CASQ2: variants seen among roughly 807,000 people sequenced by gnomAD.
CASQ2 encodes the protein calsequestrin-2.
Under a neutral mutation model 46.5 loss-of-function variants are expected in CASQ2, and 49 were observed. That is an observed-to-expected ratio of 1.05 (90% CI 0.84 to 1.34). CASQ2 has a LOEUF of 1.34. Ranked by LOEUF, CASQ2 falls within the 40% of genes most tolerant of loss-of-function variation. The pLI, the probability that CASQ2 is intolerant of heterozygous loss-of-function variation, is 0.00. For synonymous variants in CASQ2, 174 were observed against 168.5 expected, an observed-to-expected ratio of 1.03 and a Z score of -0.25; for missense variants, 486 against 481.3, an observed-to-expected ratio of 1.01 and a Z score of -0.09.
At chr1:115,702,503 C>T (rs1557784113) in intron 10 of CASQ2, among the ~76,000 whole-genome samples, 1 of 152,340 alleles carries the variant, frequency 6.6e-6, no homozygotes, top group African/African-American at 2.4e-5. Context: ...CAGGCCTGGT[C>T]TCCTGCCTGT....
At chr1:115,711,623 C>T (rs1159142626) in intron 8 of CASQ2, among the ~76,000 whole-genome samples, 2 of 145,436 alleles carry the variant, frequency 1.4e-5, no homozygotes, top group African/African-American at 2.6e-5. Context: ...TTTGATCCTT[C>T]GTTGATGGGA....
intron 7 of CASQ2, among the ~76,000 whole-genome samples, chr1:115,719,005 C>T (rs1392478282): frequency 3.3e-5 from 5 of 152,050 alleles, no homozygotes; most frequent in African/African-American, 9.7e-5. Flanking sequence ...TCAGAATCAT[C>T]CTATGGAAAA....
At chr1:115,763,864 A>C (rs1216536106) in intron 1 of CASQ2, among the ~76,000 whole-genome samples, 1 of 152,210 alleles carries the variant, frequency 6.6e-6, no homozygotes, top group African/African-American at 2.4e-5. Flanking sequence ...CTTGCACAGC[A>C]GTTTCAAGGA....
chr1:115,740,904 T>G, intron 2 of CASQ2, 76 bp from the exon 3 acceptor site: 4 of 1,008,462 alleles, frequency 4.0e-6, no homozygotes, highest in Non-Finnish European at 6.3e-6. Context: ...GAGGTCTGGC[T>G]GAGGGTTTCT....
intron 5 of CASQ2, among the ~76,000 whole-genome samples, chr1:115,730,950 C>T (rs1268525250): frequency 6.6e-6 from 1 of 152,142 alleles, no homozygotes; most frequent in Non-Finnish European, 1.5e-5. Context: ...TGCTGGAAAC[C>T]ACTGAGGCTC....
At chr1:115,759,912 A>G (rs1161188284) in intron 1 of CASQ2, among the ~76,000 whole-genome samples, 1 of 152,184 alleles carries the variant, frequency 6.6e-6, no homozygotes, top group Non-Finnish European at 1.5e-5. Context: ...ACCTGAGGAT[A>G]GTTAGAAGGC....
At chr1:115,755,437 T>C (rs1185370178) in intron 1 of CASQ2, among the ~76,000 whole-genome samples, 4 of 152,136 alleles carry the variant, frequency 2.6e-5, no homozygotes. Flanking sequence ...TCAGTGGAGG[T>C]TGGTACACCT....
At chr1:115,735,863 C>G (rs1047429670) in intron 4 of CASQ2, among the ~76,000 whole-genome samples, 7 of 152,138 alleles carry the variant, frequency 4.6e-5, no homozygotes, top group African/African-American at 1.7e-4. Context: ...GAAAGCTCAT[C>G]AGTCAAAGAA....
intron 1 of CASQ2, among the ~76,000 whole-genome samples, chr1:115,765,758 C>G (rs1484346272): frequency 6.6e-6 from 1 of 152,036 alleles, no homozygotes; most frequent in Non-Finnish European, 1.5e-5. Context: ...AAGGGAGCTG[C>G]CTCCCCTCCA....
At chr1:115,743,541 T>C (rs1570838537) in intron 2 of CASQ2, among the ~76,000 whole-genome samples, 2 of 152,216 alleles carry the variant, frequency 1.3e-5, no homozygotes, top group East Asian at 1.9e-4. Flanking sequence ...ATTATCATTG[T>C]ATAGTCCTAA....
chr1:115,705,387 G>A, intron 8 of CASQ2, 95 bp from the exon 9 acceptor site: 1 of 780,064 alleles, frequency 1.3e-6, no homozygotes, highest in Admixed American at 2.0e-5. Context: ...GACTTCTTAG[G>A]ACATTTGGTG....
intron 1 of CASQ2, among the ~76,000 whole-genome samples, chr1:115,745,974 G>A (rs1213541214): frequency 1.3e-5 from 2 of 152,106 alleles, no homozygotes; most frequent in African/African-American, 4.8e-5. Flanking sequence ...CACACCCACT[G>A]GTTCGTGTCC....
intron 7 of CASQ2, among the ~76,000 whole-genome samples, chr1:115,724,532 T>A (rs1210107009): frequency 1.3e-5 from 2 of 152,192 alleles, no homozygotes; most frequent in Non-Finnish European, 2.9e-5. Context: ...AAAAGATGCA[T>A]GAAATGCTTT....
chr1:115,715,320 A>G lies in CASQ2; in HGVS notation c.838+2520T>C, dbSNP rs150638507. Among the ~76,000 whole-genome samples the G allele has an allele frequency of 5.3e-3, 810 of 152,332 alleles. 7 individuals are homozygous for G. The highest frequency in any genetic ancestry group is 0.019 in the African/African-American group (775 of 41,570). On this transcript the variant is annotated intron_variant, in intron 8 of 10. Transcript: ENST00000261448. The stretch of plus-strand genomic sequence containing the variant: ...ATCATGTTGAAAAGTGAAAAAGACA[A>G]GAGAGTGCTCAGATAATTCAGAACA...
At chr1:115,731,176 A>G (rs1272409847) in intron 5 of CASQ2, among the ~76,000 whole-genome samples, 1 of 152,154 alleles carries the variant, frequency 6.6e-6, no homozygotes, top group Non-Finnish European at 1.5e-5. Flanking sequence ...AATTTGAATA[A>G]AGCATCTCTC....
intron 3 of CASQ2, among the ~76,000 whole-genome samples, chr1:115,738,971 G>A (rs190683757): frequency 6.8e-6 from 1 of 148,072 alleles, no homozygotes; most frequent in Non-Finnish European, 1.5e-5. Context: ...GTGAGAACAT[G>A]TTGTATTAGT....
chr1:115,731,026 G>T (rs1464112180), intron 5 of CASQ2, among the ~76,000 whole-genome samples: 1 of 152,126 alleles, frequency 6.6e-6, no homozygotes, highest in Non-Finnish European at 1.5e-5. Context: ...CACCCCAACT[G>T]ATGGATGCAA....
intron 8 of CASQ2, among the ~76,000 whole-genome samples, chr1:115,707,642 C>T (rs2101058539): frequency 6.6e-6 from 1 of 152,300 alleles, no homozygotes; most frequent in East Asian, 1.9e-4. Flanking sequence ...AATATGGTGC[C>T]ACCTTGGTTA....
intron 8 of CASQ2, among the ~76,000 whole-genome samples, chr1:115,714,293 G>T (rs1313870685): frequency 6.6e-6 from 1 of 152,118 alleles, no homozygotes; most frequent in Non-Finnish European, 1.5e-5. Flanking sequence ...GTATTTAGAG[G>T]TCAAGATAGC....
Sources: allele counts gnomAD v4.1 joint callset (sites outside exome capture counted in the v4.1 genomes callset), GRCh38; gene constraint gnomAD v4.1.1; transcripts MANE v1.5; gene names NCBI Gene and HGNC (gene_info 2026-07-23, HGNC 2026-07-21).